Variants in NKAIN3 observed in about 807,000 individuals in gnomAD.
NKAIN3 encodes the protein sodium/potassium transporting ATPase interacting 3, also known as sodium/potassium-transporting ATPase subunit beta-1-interacting protein 3.
A neutral mutation model predicts 30.2 loss-of-function variants in NKAIN3; 25 were observed. The observed-to-expected ratio is 0.83, with a 90% CI of 0.60 to 1.16. The LOEUF (loss-of-function observed/expected upper bound fraction) is 1.16, where lower values mean the gene tolerates loss of function less well. Among genes scored for constraint, NKAIN3 ranks in the 50% most tolerant of loss-of-function variants. The probability of loss-of-function intolerance (pLI) is 0.00; values close to 1 mark genes in which losing one functional copy is unlikely to be tolerated. For synonymous variants in NKAIN3, 91 were observed against 89.6 expected (o/e 1.02, Z -0.09); for missense variants, 225 against 254.1 (o/e 0.89, Z 0.78).
intron 1 of NKAIN3, among the ~76,000 whole-genome samples, chr8:62,531,357 A>G (rs1405390171): frequency 6.6e-6 from 1 of 152,134 alleles, no homozygotes; most frequent in Non-Finnish European, 1.5e-5. Flanking sequence ...AACATGTCTC[A>G]TAGGTTGAAA....
chr8:62,639,942 A>G (rs572124415), intron 3 of NKAIN3, among the ~76,000 whole-genome samples: 1 of 152,284 alleles, frequency 6.6e-6, no homozygotes, highest in East Asian at 1.9e-4. Flanking sequence ...CCAGGAAATT[A>G]TAGTAGGACT....
At position 62,982,591 on chromosome 8, in the gene NKAIN3, C is replaced by A. The variant is rs760942510; in HGVS notation, c.*17184C>A. 3.3e-5 allele frequency: 5 copies of A among 151,816 alleles called. No homozygotes were observed. Among genetic ancestry groups the A allele is most frequent in the Non-Finnish European group, 5.9e-5 (4 of 68,026 alleles). The allele number at this position is 151,816 out of a possible 1,614,324, so 9.4% of individuals were successfully genotyped here. ...GAGCTATGGTATAATGAGATGCTAT[C>A]TCTGGAAAAAAATGAATAGATTTTC... On this transcript the variant is annotated 3_prime_UTR_variant, in exon 7 of 7. Transcript: ENST00000623646.
At position 62,373,473 on chromosome 8, in the gene NKAIN3, G is replaced by A. The variant is rs192645858; in HGVS notation, c.54+124346G>A. Among the ~76,000 whole-genome samples, 20 of 152,288 alleles carry A rather than the reference G, an allele frequency of 1.3e-4. No homozygotes were observed. The East Asian group carries it at 3.7e-3, about 28-fold the overall frequency. Reference sequence around the variant, plus strand: ...CCTTTATTCTCACTGAGAGAGGAGAGATTATACTGATCTGTTTTGCTCTTA... The same window carrying A: ...CCTTTATTCTCACTGAGAGAGGAGAAATTATACTGATCTGTTTTGCTCTTA... On this transcript the variant is annotated intron_variant, in intron 1 of 6. Transcript: ENST00000623646.
intron 3 of NKAIN3, among the ~76,000 whole-genome samples, chr8:62,645,883 A>G (rs1249488813): frequency 6.6e-6 from 1 of 152,154 alleles, no homozygotes; most frequent in Non-Finnish European, 1.5e-5. Flanking sequence ...AGCTCACAAA[A>G]CAACTTTCAA....
chr8:62,264,678 C>G (rs1283586475), intron 1 of NKAIN3, among the ~76,000 whole-genome samples: 2 of 152,166 alleles, frequency 1.3e-5, no homozygotes, highest in Non-Finnish European at 2.9e-5. Flanking sequence ...ATGTCAAGCT[C>G]TTACTACTGA....
intron 1 of NKAIN3, among the ~76,000 whole-genome samples, chr8:62,535,985 T>A (rs1217168114): frequency 2.0e-5 from 3 of 152,186 alleles, no homozygotes; most frequent in African/African-American, 7.2e-5. Context: ...ATGGGAGTTA[T>A]GAGCCAGGAA....
At chr8:62,701,636 A>G (rs1291090517) in intron 3 of NKAIN3, among the ~76,000 whole-genome samples, 4 of 152,202 alleles carry the variant, frequency 2.6e-5, no homozygotes, top group Non-Finnish European at 5.9e-5. Context: ...ATATGTGGAA[A>G]AAAATGATGT....
chr8:62,785,077 A>C (rs1013102881), intron 4 of NKAIN3, among the ~76,000 whole-genome samples: 2 of 152,154 alleles, frequency 1.3e-5, no homozygotes, highest in Admixed American at 1.3e-4. Flanking sequence ...TAAATACAGA[A>C]CTTCTGTGTA....
At chr8:62,672,663 A>G (rs188179459) in intron 3 of NKAIN3, among the ~76,000 whole-genome samples, 1 of 152,316 alleles carries the variant, frequency 6.6e-6, no homozygotes, top group Non-Finnish European at 1.5e-5. Context: ...GGCACTGACC[A>G]TGTTTGCCTC....
intron 4 of NKAIN3, among the ~76,000 whole-genome samples, chr8:62,799,726 T>TA (rs1431782371): frequency 6.6e-6 from 1 of 152,138 alleles, no homozygotes; most frequent in Non-Finnish European, 1.5e-5. Context: ...AGTCATTATA[T>TA]AAAAAAGATA....
chr8:62,400,899 T>G (rs1262656914), intron 1 of NKAIN3, among the ~76,000 whole-genome samples: 3 of 152,194 alleles, frequency 2.0e-5, no homozygotes, highest in Non-Finnish European at 4.4e-5. Flanking sequence ...CAGATAGACT[T>G]ACTTAGGATA....
chr8:62,282,455 A>T (rs547887331), intron 1 of NKAIN3, among the ~76,000 whole-genome samples: 2 of 152,276 alleles, frequency 1.3e-5, no homozygotes, highest in East Asian at 3.9e-4. Context: ...TCTTGTCTCA[A>T]TTCAGAGTAT....
chr8:62,890,574 A>G (rs1205376366), intron 4 of NKAIN3, among the ~76,000 whole-genome samples: 1 of 152,248 alleles, frequency 6.6e-6, no homozygotes, highest in Non-Finnish European at 1.5e-5. Flanking sequence ...AATAGTGTAG[A>G]AAGAGCATCC....
At chr8:62,812,982 T>A (rs1170323592) in intron 4 of NKAIN3, among the ~76,000 whole-genome samples, 2 of 151,970 alleles carry the variant, frequency 1.3e-5, no homozygotes, top group Non-Finnish European at 2.9e-5. Context: ...TCTAGGTTCA[T>A]TTTTCTTGTT....
chr8:62,347,025 G>A (rs1365732030), intron 1 of NKAIN3, among the ~76,000 whole-genome samples: 1 of 152,116 alleles, frequency 6.6e-6, no homozygotes, highest in East Asian at 1.9e-4. Flanking sequence ...TGGCATACAT[G>A]TCTGAAGAGC....
At chr8:62,564,641 T>C (rs1418785317) in intron 1 of NKAIN3, among the ~76,000 whole-genome samples, 1 of 152,098 alleles carries the variant, frequency 6.6e-6, no homozygotes, top group Admixed American at 6.6e-5. Flanking sequence ...ATTCAGTAGG[T>C]CTAGGCCAGC....
At chr8:62,643,374 AC>A (rs2130306213) in intron 3 of NKAIN3, among the ~76,000 whole-genome samples, 1 of 152,298 alleles carries the variant, frequency 6.6e-6, no homozygotes, top group South Asian at 2.1e-4. Flanking sequence ...GGAGTTGGCA[AC>A]ATATAAGTCT....
intron 1 of NKAIN3, among the ~76,000 whole-genome samples, chr8:62,366,351 C>T (rs1297715356): frequency 2.6e-5 from 4 of 151,822 alleles, no homozygotes; most frequent in Admixed American, 2.6e-4. Flanking sequence ...CTCAGCATCC[C>T]GAGTAGCTGG....
chr8:62,895,647 G>T (rs1821408878), intron 4 of NKAIN3, among the ~76,000 whole-genome samples: 1 of 152,084 alleles, frequency 6.6e-6, no homozygotes, highest in Non-Finnish European at 1.5e-5. Flanking sequence ...TCCTAGGCGG[G>T]GTATCTGTGA....
Sources: gnomAD v4.1 joint callset for allele counts (sites outside exome capture counted in the v4.1 genomes callset) on GRCh38, gnomAD v4.1.1 for gene constraint, MANE v1.5 for transcripts, NCBI Gene and HGNC (gene_info 2026-07-23, HGNC 2026-07-21) for gene names.